The following XPR1 variants were observed in gnomAD, a reference collection of about 807,000 sequenced individuals.
The protein encoded by XPR1 is xenotropic and polytropic retrovirus receptor 1.
In XPR1, 28 loss-of-function variants were observed where a neutral mutation model predicts 87.5. The ratio of observed to expected loss-of-function variants is 0.32; its 90% CI spans 0.24 to 0.44. The LOEUF (loss-of-function observed/expected upper bound fraction) is 0.44. XPR1 is among the 20% of genes least tolerant of loss of function. The pLI is 1.00. For synonymous variants in XPR1, 300 were observed against 306.1 expected (o/e 0.98, Z 0.21); for missense variants, 559 against 862.3 (o/e 0.65, Z 4.41).
intron 2 of XPR1, among the ~76,000 whole-genome samples, chr1:180,703,389 C>T (rs940905562): frequency 2.0e-5 from 3 of 152,160 alleles, no homozygotes; most frequent in Admixed American, 6.5e-5. Context: ...ATCTGCAGGC[C>T]TCTGGATAAC....
intron 14 of XPR1, among the ~76,000 whole-genome samples, chr1:180,880,658 A>T (rs1209528841): frequency 6.6e-6 from 1 of 152,212 alleles, no homozygotes; most frequent in Non-Finnish European, 1.5e-5. Context: ...GCCTTGACCA[A>T]ATGACTTAAT....
chr1:180,771,557 C>G (rs536042212), intron 2 of XPR1, among the ~76,000 whole-genome samples: 43 of 152,230 alleles, frequency 2.8e-4, no homozygotes, highest in African/African-American at 1.0e-3. Flanking sequence ...GTGCCAGGAA[C>G]CAATTCAGGA....
chr1:180,657,729 C>G (rs941226778), intron 1 of XPR1, among the ~76,000 whole-genome samples: 3 of 152,058 alleles, frequency 2.0e-5, no homozygotes, highest in African/African-American at 7.2e-5. Context: ...GATGTGATTC[C>G]TCCAGTTTTC....
At chr1:180,664,641 C>T (rs775025858) in intron 1 of XPR1, among the ~76,000 whole-genome samples, 17 of 152,144 alleles carry the variant, frequency 1.1e-4, no homozygotes, top group African/African-American at 1.7e-4. Context: ...CCCTTAGTTG[C>T]CCTGGCTGCT....
intron 2 of XPR1, among the ~76,000 whole-genome samples, chr1:180,690,333 T>G (rs928240491): frequency 3.3e-5 from 5 of 152,140 alleles, no homozygotes; most frequent in African/African-American, 4.8e-5. Flanking sequence ...ACATGAAATT[T>G]GAGAGGAAAT....
chr1:180,806,435 A>G, intron 5 of XPR1, 39 bp from the exon 6 acceptor site: 1 of 1,602,182 alleles, frequency 6.2e-7, no homozygotes, highest in Non-Finnish European at 8.5e-7. Flanking sequence ...ACTCAAGTTT[A>G]GTATAACCTA....
At chr1:180,864,570 C>G (rs1652326135) in intron 12 of XPR1, among the ~76,000 whole-genome samples, 1 of 151,528 alleles carries the variant, frequency 6.6e-6, no homozygotes, top group African/African-American at 2.4e-5. Flanking sequence ...AAGACTTCTC[C>G]TTTCATTTAT....
chr1:180,643,328 T>A (rs554956880), intron 1 of XPR1, among the ~76,000 whole-genome samples: 1 of 152,226 alleles, frequency 6.6e-6, no homozygotes, highest in African/African-American at 2.4e-5. Flanking sequence ...GTATGTCTTA[T>A]AATTAATGCT....
chr1:180,652,431 T>C (rs1444067576), intron 1 of XPR1, among the ~76,000 whole-genome samples: 1 of 152,202 alleles, frequency 6.6e-6, no homozygotes, highest in Non-Finnish European at 1.5e-5. Context: ...CTTTATTTTA[T>C]TATCAGAATA....
At chr1:180,746,875 A>C (rs1647276987) in intron 2 of XPR1, among the ~76,000 whole-genome samples, 1 of 152,194 alleles carries the variant, frequency 6.6e-6, no homozygotes, top group Non-Finnish European at 1.5e-5. Context: ...ACCTGAGTAC[A>C]GGAATTACTT....
At chr1:180,821,436 T>G (rs1487999657) in intron 7 of XPR1, among the ~76,000 whole-genome samples, 2 of 152,224 alleles carry the variant, frequency 1.3e-5, no homozygotes, top group Non-Finnish European at 2.9e-5. Flanking sequence ...AGTGCCACAA[T>G]GTTTTGATTA....
At chr1:180,773,241 T>TG (rs1019052967) in intron 2 of XPR1, among the ~76,000 whole-genome samples, 13 of 152,020 alleles carry the variant, frequency 8.6e-5, no homozygotes, top group Admixed American at 5.9e-4. Context: ...TGGGGATACT[T>TG]GGGGAAAAAA....
At chr1:180,698,658 A>T (rs1657249156) in intron 2 of XPR1, among the ~76,000 whole-genome samples, 1 of 152,136 alleles carries the variant, frequency 6.6e-6, no homozygotes, top group African/African-American at 2.4e-5. Context: ...TAGCTTTCAG[A>T]TGTAGAATTC....
At chr1:180,662,751 A>G (rs1207713244) in intron 1 of XPR1, among the ~76,000 whole-genome samples, 1 of 152,166 alleles carries the variant, frequency 6.6e-6, no homozygotes, top group African/African-American at 2.4e-5. Flanking sequence ...TTTTAAGGCC[A>G]GTAATTCTTA....
chr1:180,829,947 T>C (rs1224091109), intron 9 of XPR1, among the ~76,000 whole-genome samples: 1 of 152,076 alleles, frequency 6.6e-6, no homozygotes, highest in Non-Finnish European at 1.5e-5. Flanking sequence ...ATTAGCCAGG[T>C]TTTGAGGATG....
At chr1:180,855,637 C>A (rs1211531756) in intron 11 of XPR1, among the ~76,000 whole-genome samples, 1 of 148,104 alleles carries the variant, frequency 6.8e-6, no homozygotes, top group African/African-American at 2.5e-5. Context: ...GCTCTCCAGC[C>A]TGGCGACAGA....
intron 2 of XPR1, among the ~76,000 whole-genome samples, chr1:180,705,669 C>G (rs1657531804): frequency 6.6e-6 from 1 of 152,064 alleles, no homozygotes; most frequent in East Asian, 1.9e-4. Flanking sequence ...GTATGGGATC[C>G]TCTAACATGT....
chr1:180,859,426 T>C (rs1195388383), intron 11 of XPR1, among the ~76,000 whole-genome samples: 1 of 152,218 alleles, frequency 6.6e-6, no homozygotes, highest in Non-Finnish European at 1.5e-5. Flanking sequence ...CTTGATTTTC[T>C]GTGATTCTGA....
At chr1:180,633,646 T>C (rs982826103) in intron 1 of XPR1, among the ~76,000 whole-genome samples, 4 of 152,236 alleles carry the variant, frequency 2.6e-5, no homozygotes, top group Non-Finnish European at 5.9e-5. Context: ...AATGCTTTAT[T>C]GTCACTCAAT....
Sources: allele counts gnomAD v4.1 joint callset (sites outside exome capture counted in the v4.1 genomes callset), GRCh38; gene constraint gnomAD v4.1.1; transcripts MANE v1.5; gene names NCBI Gene and HGNC (gene_info 2026-07-23, HGNC 2026-07-21).